Variants in COL18A1 observed in about 807,000 individuals in gnomAD.
The protein encoded by COL18A1 is collagen alpha-1(XVIII) chain.
In COL18A1, 133 loss-of-function variants were observed where a neutral mutation model predicts 168.0. The ratio of observed to expected loss-of-function variants is 0.79; its 90% CI spans 0.69 to 0.91. The LOEUF (loss-of-function observed/expected upper bound fraction) is 0.91. Among genes scored for constraint, COL18A1 ranks in the 40% least tolerant of loss-of-function variants. COL18A1 has a pLI of 0.00. For synonymous variants in COL18A1, 949 were observed against 809.0 expected, an observed-to-expected ratio of 1.17 and a Z score of -2.94; for missense variants, 2,126 against 1,925.4, an observed-to-expected ratio of 1.10 and a Z score of -1.95.
At position 45,486,854 on chromosome 21, in the gene COL18A1, C is replaced by T. The variant is rs1488384630; in HGVS notation, c.1702-7C>T. On this transcript the variant is annotated splice_polypyrimidine_tract_variant and splice_region_variant and intron_variant, in intron 15 of 41. Coordinates refer to ENST00000651438, the MANE Select transcript of COL18A1 (RefSeq NM_001379500.1). ...GGGTCCTGACACGCTCTCCTCACCC[C>T]ACGCAGGGGAGCAAGGGAGCCCCCG... The T allele has an allele frequency of 5.2e-6, 8 of 1,528,036 alleles. No homozygotes were observed. Among genetic ancestry groups the T allele is most frequent in the East Asian group, 2.5e-5 (1 of 40,458 alleles). The allele number at this position is 1,528,036 out of a possible 1,614,324, so 94.7% of individuals were successfully genotyped here.
chr21:45,480,287 A>G, intron 11 of COL18A1, 131 bp downstream of exon 11: 2 of 1,224,784 alleles, frequency 1.6e-6, no homozygotes, highest in Non-Finnish European at 1.2e-6. Context: ...GAGGGGTCAC[A>G]GGTGTGGTGG....
At chr21:45,493,298 C>A in intron 25 of COL18A1, 73 bp downstream of exon 25, 3 of 1,501,198 alleles carry the variant, frequency 2.0e-6, no homozygotes, top group Non-Finnish European at 2.7e-6. Flanking sequence ...CAGATGACCA[C>A]TGTTGGGAGG....
intron 9 of COL18A1, among the ~76,000 whole-genome samples, chr21:45,479,179 T>C (rs1344964843): frequency 2.2e-5 from 3 of 137,292 alleles, no homozygotes; most frequent in Non-Finnish European, 4.9e-5. Flanking sequence ...TGACTGCGCG[T>C]GTGTGTGGGG....
intron 2 of COL18A1, among the ~76,000 whole-genome samples, chr21:45,433,366 T>G (rs1481254249): frequency 1.3e-5 from 2 of 152,194 alleles, no homozygotes; most frequent in African/African-American, 4.8e-5. Context: ...TTGGACCAGC[T>G]CCATGAGAGT....
chr21:45,434,780 G>T (rs1237485715), intron 2 of COL18A1, among the ~76,000 whole-genome samples: 1 of 149,322 alleles, frequency 6.7e-6, no homozygotes, highest in African/African-American at 2.5e-5. Context: ...CGGGGGTCCC[G>T]GTGGGTTGCA....
Position 45,498,438 on chromosome 21 carries a change from C to T in COL18A1, c.2683+777C>T, listed in dbSNP as rs769582552. Reference sequence around the variant, plus strand: ...CCCTCTCGCCGCCACGGTCCCCTCTCGCCGCCAGGGTCCCCTCTCGCCGCC... The same window carrying T: ...CCCTCTCGCCGCCACGGTCCCCTCTTGCCGCCAGGGTCCCCTCTCGCCGCC... On this transcript the variant is annotated intron_variant, in intron 32 of 41. Transcript: ENST00000651438. This position sits in a 1 kb window ranked among gnomAD's most constrained non-coding sequence, Gnocchi z 4.5. The T allele has an allele frequency of 2.3e-4, 161 of 695,770 alleles. 1 individual carries two copies. The highest frequency in any genetic ancestry group is 7.1e-5 in the African/African-American group (4 of 56,588). The allele number at this position is 695,770 out of a possible 1,614,324, so 43.1% of individuals were successfully genotyped here.
rs1291292621 is a variant in COL18A1 at position 45,505,846 on chromosome 21, C to T, written c.3096C>T (p.Leu1032=). 2 of 1,609,150 alleles carry T rather than the reference C, an allele frequency of 1.2e-6. No individual in the cohort carries two copies. The highest frequency in any genetic ancestry group is 1.7e-6 in the Non-Finnish European group (2 of 1,179,256). The change falls in exon 37 of 42, where the codon CTC becomes CTT. Residue 1032 remains leucine (L), a synonymous_variant. Coordinates refer to ENST00000651438, the MANE Select transcript of COL18A1 (RefSeq NM_001379500.1). ...GTMGASSGVR[L]WATRQAMLGQ... ...GCATTTGGTCCCAGCAGGTGAGGCT[C>T]TGGGCTACACGCCAGGCCATGCTGG... is the stretch of plus-strand genomic sequence containing the variant.
intron 2 of COL18A1, chr21:45,456,645 C>T (rs540495854): frequency 1.9e-5 from 29 of 1,536,110 alleles, no homozygotes; most frequent in Middle Eastern, 1.7e-4. Flanking sequence ...GGGGCACGGG[C>T]GTGGGGGGGC....
At chr21:45,446,085 A>G (rs1169461768) in intron 2 of COL18A1, among the ~76,000 whole-genome samples, 1 of 152,200 alleles carries the variant, frequency 6.6e-6, no homozygotes. Flanking sequence ...TAAGAGCTAA[A>G]ATAAAAATTT....
Position 45,451,651 on chromosome 21 carries a change from G to A in COL18A1, c.107-16591G>A, listed in dbSNP as rs150913165. Among the ~76,000 whole-genome samples, 313 of 152,338 alleles carry A rather than the reference G, an allele frequency of 2.1e-3. 1 individual carries two copies. Among genetic ancestry groups the A allele is most frequent in the African/African-American group, 7.3e-3 (303 of 41,576 alleles). ...CCACGTTCTGCACTCAGCAGCAGGA[G>A]CGCTCAGAGGGGAAGGCGGTGGGAT... On this transcript the variant is annotated intron_variant, in intron 2 of 41. Transcript: ENST00000651438.
chr21:45,507,682 C>T (rs2037304362), intron 38 of COL18A1, 89 bp downstream of exon 38: 2 of 1,242,614 alleles, frequency 1.6e-6, no homozygotes, highest in Admixed American at 1.9e-5. Context: ...AACACGTGGT[C>T]CTTTGGAGTC....
chr21:45,509,322 C>A, intron 38 of COL18A1, 34 bp from the exon 39 acceptor site: 1 of 1,538,650 alleles, frequency 6.5e-7, no homozygotes, highest in Non-Finnish European at 8.7e-7. Flanking sequence ...CGGAGGGTCC[C>A]CCCGCCGACA....
intron 8 of COL18A1, 179 bp downstream of exon 8, chr21:45,478,144 G>A (rs772621976): frequency 6.4e-5 from 53 of 831,824 alleles, no homozygotes; most frequent in Non-Finnish European, 8.6e-5. Context: ...CGTGGGAGGC[G>A]GAGCTGCTCA....
chr21:45,511,818 T>G (rs555749318), intron 41 of COL18A1, among the ~76,000 whole-genome samples: 73 of 152,282 alleles, frequency 4.8e-4, no homozygotes, highest in Admixed American at 2.1e-3. Context: ...TGGGCAGGGC[T>G]GGGCCCCAGG....
At position 45,477,751 on chromosome 21, in the gene COL18A1, G is replaced by T; in HGVS notation, c.1007G>T (p.Gly336Val). ...GCCCTGTGTTCTGTTTATTCCCAGG[G>T]CGGCCTGAAGGGGCAGAAAGGGGAG... Reference protein sequence around the residue: ...VRTPGGRVKEGGLKGQKGEPG... With the variant: ...VRTPGGRVKEVGLKGQKGEPG... Residue 336 changes from glycine (G) to valine (V), a missense_variant and splice_region_variant, in exon 8 of 42, where the codon GGC becomes GTC. By Grantham distance (109) the Gly-to-Val change is moderately radical (BLOSUM62 -3). Coordinates refer to ENST00000651438, the MANE Select transcript of COL18A1 (RefSeq NM_001379500.1). The T allele has an allele frequency of 2.0e-6, 3 of 1,537,270 alleles. No individual in the cohort carries two copies. The highest frequency in any genetic ancestry group is 1.8e-6 in the Non-Finnish European group (2 of 1,141,898).
At chr21:45,476,626 GTGTT>G (rs2035666867) in intron 6 of COL18A1, 146 bp downstream of exon 6, 1 of 1,037,890 alleles carries the variant, frequency 9.6e-7, no homozygotes, top group Non-Finnish European at 1.4e-6. Flanking sequence ...GATATGGCAC[GTGTT>G]TGTGTGAAAT....
intron 2 of COL18A1, among the ~76,000 whole-genome samples, chr21:45,442,892 C>G (rs547427093): frequency 0.015 from 1,912 of 131,792 alleles, 151 homozygotes; most frequent in African/African-American, 0.054. Flanking sequence ...GTGTGGGCAG[C>G]GGTGCTGATG....
At chr21:45,422,129 A>T (rs1159605418) in intron 2 of COL18A1, among the ~76,000 whole-genome samples, 1 of 152,042 alleles carries the variant, frequency 6.6e-6, no homozygotes, top group Non-Finnish European at 1.5e-5. Flanking sequence ...ACAGGCTCAC[A>T]CATACAGGTT....
intron 31 of COL18A1, 37 bp from the exon 32 acceptor site, chr21:45,497,562 C>T: frequency 6.4e-7 from 1 of 1,551,552 alleles, no homozygotes; most frequent in South Asian, 1.2e-5. Flanking sequence ...TCCTCCCTGG[C>T]ACATTCCTGA....
Sources: allele counts gnomAD v4.1 joint callset (sites outside exome capture counted in the v4.1 genomes callset), GRCh38; gene constraint gnomAD v4.1.1; non-coding constraint Gnocchi (gnomAD v3.1); transcripts MANE v1.5; gene names NCBI Gene and HGNC (gene_info 2026-07-23, HGNC 2026-07-21).